The following CSMD1 variants were observed in gnomAD, a reference collection of about 807,000 sequenced individuals.
The protein encoded by CSMD1 is CUB and sushi domain-containing protein 1.
CSMD1 carries 213 observed loss-of-function variants against 417.5 expected under a neutral mutation model. The observed-to-expected ratio is 0.51, with a 90% CI of 0.46 to 0.57. The LOEUF (loss-of-function observed/expected upper bound fraction) is 0.57. CSMD1 is among the 20% of genes least tolerant of loss of function. CSMD1 has a pLI of 0.00. For synonymous variants in CSMD1, 2,862 were observed against 1,736.8 expected (o/e 1.65, Z -16.11); for missense variants, 6,923 against 4,529.7 (o/e 1.53, Z -15.17).
In CSMD1 at chr8:3,363,212, C is replaced by G. The variant is rs1019738090; in HGVS notation, c.3115+3820G>C. ...CAATCAAGTCTCAGCCTGTCAGAGACCTGCCTAGGCAATTAAAGAATGAGC... is the reference window on the plus strand; with the variant it reads ...CAATCAAGTCTCAGCCTGTCAGAGAGCTGCCTAGGCAATTAAAGAATGAGC... On this transcript the variant is annotated intron_variant, in intron 20 of 69. Coordinates refer to ENST00000635120, the MANE Select transcript of CSMD1 (RefSeq NM_033225.6). Among the ~76,000 whole-genome samples the G allele has an allele frequency of 2.0e-5, 3 of 152,256 alleles. No individual in the cohort carries two copies. The South Asian group carries it at 6.2e-4, about 32-fold the overall frequency.
chr8:4,504,306 C>T (rs1052540628), intron 2 of CSMD1, among the ~76,000 whole-genome samples: 8 of 152,004 alleles, frequency 5.3e-5, no homozygotes, highest in African/African-American at 1.9e-4. Context: ...ATGGAGGTTG[C>T]CAGGTGTAGG....
At chr8:3,717,589 A>T (rs966644575) in intron 6 of CSMD1, among the ~76,000 whole-genome samples, 2 of 152,210 alleles carry the variant, frequency 1.3e-5, no homozygotes, top group Non-Finnish European at 2.9e-5. Flanking sequence ...AATCAAGAAG[A>T]AAATGTAACT....
chr8:4,760,847 A>C (rs1666223082), intron 1 of CSMD1, among the ~76,000 whole-genome samples: 1 of 152,246 alleles, frequency 6.6e-6, no homozygotes, highest in African/African-American at 2.4e-5. Flanking sequence ...TAGAATAATC[A>C]TAATGCCTGT....
chr8:4,291,795 G>C (rs752001038), intron 3 of CSMD1, among the ~76,000 whole-genome samples: 6 of 152,194 alleles, frequency 3.9e-5, no homozygotes, highest in Non-Finnish European at 7.3e-5. Context: ...TATAAGACAA[G>C]TAATATCTGG....
At chr8:3,750,609 T>G (rs923723286) in intron 6 of CSMD1, among the ~76,000 whole-genome samples, 3 of 152,170 alleles carry the variant, frequency 2.0e-5, no homozygotes, top group Non-Finnish European at 4.4e-5. Context: ...CTTCATGCTT[T>G]TTAATCTCGG....
At chr8:4,441,325 C>G (rs1323847333) in intron 2 of CSMD1, among the ~76,000 whole-genome samples, 1 of 136,862 alleles carries the variant, frequency 7.3e-6, no homozygotes, top group East Asian at 2.2e-4. Flanking sequence ...GCCCCCTAGG[C>G]TAGTTTTAAA....
At position 2,938,114 on chromosome 8, in the gene CSMD1, T is replaced by C. The variant is rs1801619059; in HGVS notation, c.*471A>G. ...AAAGGTGTCTTCTTCCAGAAAGCTT[T>C]TTATTTTTTTCAGAGTATTCGTGTT... On this transcript the variant is annotated 3_prime_UTR_variant, in exon 70 of 70. Coordinates refer to ENST00000635120, the MANE Select transcript of CSMD1 (RefSeq NM_033225.6). The C allele has an allele frequency of 6.5e-6, 1 of 152,964 alleles. No individual in the cohort carries two copies. Among genetic ancestry groups the C allele is most frequent in the Admixed American group, 6.5e-5 (1 of 15,296 alleles). 9.5% of individuals were successfully genotyped at this position (152,964 alleles called of 1,614,324 possible).
rs57979540 is a variant in CSMD1 at position 3,565,199 on chromosome 8, CAGAT to C, written c.1344+9742_1344+9745del. ...AAAGAAAGAAAGATACATAGATAGACAGATAGATAGATAGAGAGATAGACAGATA... is the reference window on the plus strand; with the variant it reads ...AAAGAAAGAAAGATACATAGATAGACAGATAGATAGAGAGATAGACAGATA... On this transcript the variant is annotated intron_variant, in intron 10 of 69. Transcript: ENST00000635120. Among the ~76,000 whole-genome samples, 31 of 88,550 alleles carry C rather than the reference CAGAT, an allele frequency of 3.5e-4. 1 individual carries two copies. The highest frequency in any genetic ancestry group is 0.01 in the Middle Eastern group (2 of 200). 58.1% of individuals were successfully genotyped at this position (88,550 alleles called of 152,430 possible).
intron 1 of CSMD1, among the ~76,000 whole-genome samples, chr8:4,789,124 T>C (rs1327645501): frequency 1.3e-5 from 2 of 152,222 alleles, no homozygotes; most frequent in Non-Finnish European, 2.9e-5. Flanking sequence ...CTTGGGATTC[T>C]TGTAAGAGTT....
chr8:4,720,079 A>G (rs990702466), intron 1 of CSMD1, among the ~76,000 whole-genome samples: 3 of 152,022 alleles, frequency 2.0e-5, no homozygotes, highest in East Asian at 3.9e-4. Context: ...TCTAAATGAA[A>G]TATTTTTTAT....
At chr8:3,528,414 G>A (rs1797842145) in intron 10 of CSMD1, among the ~76,000 whole-genome samples, 2 of 152,170 alleles carry the variant, frequency 1.3e-5, no homozygotes, top group African/African-American at 4.8e-5. Flanking sequence ...GGGGAAGGAG[G>A]ATGGCTCTGT....
chr8:3,839,073 G>C (rs181613922), intron 5 of CSMD1, among the ~76,000 whole-genome samples: 5,585 of 120,286 alleles, frequency 0.046, 400 homozygotes, highest in African/African-American at 0.15. Flanking sequence ...TAGATATATA[G>C]CCTAGGCTAT....
In CSMD1 at chr8:4,112,763, C is replaced by G. The variant is rs182275210; in HGVS notation, c.416-80664G>C. On this transcript the variant is annotated intron_variant, in intron 3 of 69. Transcript: ENST00000635120. ...ATTAAACAATATATCCTTAAATGCT[C>G]CAGCTTATGGCTCCAAACGTTAGAA... Among the ~76,000 whole-genome samples, 385 of 152,256 alleles carry G rather than the reference C, an allele frequency of 2.5e-3. 4 individuals are homozygous for G. The highest frequency in any genetic ancestry group is 8.7e-3 in the African/African-American group (363 of 41,532).
At chr8:3,989,434 G>A (rs1032931182) in intron 5 of CSMD1, among the ~76,000 whole-genome samples, 3 of 152,134 alleles carry the variant, frequency 2.0e-5, no homozygotes, top group East Asian at 1.9e-4. Flanking sequence ...AGGTAAGAGC[G>A]GCTTCTTAGC....
At chr8:4,165,128 G>A (rs186012945) in intron 3 of CSMD1, among the ~76,000 whole-genome samples, 1 of 152,226 alleles carries the variant, frequency 6.6e-6, no homozygotes, top group East Asian at 1.9e-4. Flanking sequence ...GTGCATGCAT[G>A]ACAGGTATCT....
chr8:4,511,522 G>C (rs553862603), intron 2 of CSMD1, among the ~76,000 whole-genome samples: 4 of 152,190 alleles, frequency 2.6e-5, no homozygotes, highest in Admixed American at 1.3e-4. Context: ...CTAAGAGAAA[G>C]CTCCACAAAC....
intron 15 of CSMD1, among the ~76,000 whole-genome samples, chr8:3,401,533 A>C (rs1812038120): frequency 6.6e-6 from 1 of 152,182 alleles, no homozygotes; most frequent in South Asian, 2.1e-4. Context: ...GATTGTAAGT[A>C]AGTAAATAGT....
At chr8:3,725,058 G>A (rs768004121) in intron 6 of CSMD1, among the ~76,000 whole-genome samples, 1 of 152,216 alleles carries the variant, frequency 6.6e-6, no homozygotes, top group Non-Finnish European at 1.5e-5. Context: ...ACGACTAGAG[G>A]AGTGAGGCAG....
intron 42 of CSMD1, among the ~76,000 whole-genome samples, chr8:3,111,110 G>C (rs954261699): frequency 1.1e-4 from 17 of 152,308 alleles, no homozygotes; most frequent in African/African-American, 3.9e-4. Context: ...TAAGAGGTGT[G>C]AGATGAGTGT....
Sources: gnomAD v4.1 joint callset for allele counts (sites outside exome capture counted in the v4.1 genomes callset) on GRCh38, gnomAD v4.1.1 for gene constraint, MANE v1.5 for transcripts, NCBI Gene and HGNC (gene_info 2026-07-23, HGNC 2026-07-21) for gene names.